The following RNF150 variants were observed in gnomAD, a reference collection of about 807,000 sequenced individuals.
The protein encoded by RNF150 is ring finger protein 150.
In RNF150, 24 loss-of-function variants were observed where a neutral mutation model predicts 39.3. The ratio of observed to expected loss-of-function variants is 0.61; its 90% CI spans 0.44 to 0.86. The LOEUF (loss-of-function observed/expected upper bound fraction) is 0.86. Among genes scored for constraint, RNF150 ranks in the 40% least tolerant of loss-of-function variants. The probability of loss-of-function intolerance (pLI) is 0.00; values close to 1 mark genes in which losing one functional copy is unlikely to be tolerated. For synonymous variants in RNF150, 255 were observed against 227.3 expected, an observed-to-expected ratio of 1.12 and a Z score of -1.10; for missense variants, 502 against 587.8, an observed-to-expected ratio of 0.85 and a Z score of 1.51.
intron 6 of RNF150, among the ~76,000 whole-genome samples, chr4:140,880,951 C>T (rs1343050875): frequency 6.6e-6 from 1 of 152,066 alleles, no homozygotes; most frequent in Non-Finnish European, 1.5e-5. Context: ...TTGATCCTTT[C>T]AAAACACAAA....
intron 5 of RNF150, among the ~76,000 whole-genome samples, chr4:140,913,792 G>A (rs1730709299): frequency 6.6e-6 from 1 of 152,156 alleles, no homozygotes; most frequent in Non-Finnish European, 1.5e-5. Flanking sequence ...ATGTTGACTT[G>A]GAAATTTGAT....
rs1553938684 is a variant in RNF150, at chr4:141,027,952, T to TTTTTTTTTTTTTTG, written c.485-60080_485-60079insCAAAAAAAAAAAAA. 7.4e-4 allele frequency among the ~76,000 whole-genome samples: 53 copies of TTTTTTTTTTTTTTG among 71,606 alleles called. 15 individuals carry two copies. The highest frequency in any genetic ancestry group is 9.9e-4 in the Non-Finnish European group (34 of 34,320). The allele number at this position is 71,606 out of a possible 152,430, so 47.0% of individuals were successfully genotyped here. A position where few individuals can be genotyped will look rare whatever the true frequency, so the allele number is the denominator to read the frequency against. On this transcript the variant is annotated intron_variant, in intron 1 of 6. Transcript: ENST00000515673. ...TTTTTTTTTTTTTTTTTTTTTTTTTTCAATCCTGCTGGATCAAGATGTATA... is the reference window on the plus strand; with the variant it reads ...TTTTTTTTTTTTTTTTTTTTTTTTTTTTTTTTTTTTTTTGCAATCCTGCTGGATCAAGATGTATA...
rs1201609981 is a variant in RNF150 at position 140,969,345 on chromosome 4, G to A, written c.485-1472C>T. On this transcript the variant is annotated intron_variant, in intron 1 of 6. Coordinates refer to ENST00000515673, the MANE Select transcript of RNF150 (RefSeq NM_020724.2). Reference sequence around the variant, plus strand: ...TTGTAAAATCATAAAGCCATAGTATGGGTTTGGCTGTTATTTCTGGGAATA... The same window carrying A: ...TTGTAAAATCATAAAGCCATAGTATAGGTTTGGCTGTTATTTCTGGGAATA... Among the ~76,000 whole-genome samples the A allele has an allele frequency of 2.9e-4, 44 of 152,096 alleles. 2 individuals carry two copies. The highest frequency in any genetic ancestry group is 2.8e-3 in the Admixed American group (43 of 15,252).
chr4:141,209,607 C>T (rs1339200656), intron 1 of RNF150, among the ~76,000 whole-genome samples: 6 of 151,944 alleles, frequency 3.9e-5, no homozygotes, highest in Non-Finnish European at 5.9e-5. Flanking sequence ...CTGTGAATTC[C>T]CCATTCATAT....
At chr4:140,883,440 A>G (rs889572354) in intron 6 of RNF150, among the ~76,000 whole-genome samples, 11 of 152,194 alleles carry the variant, frequency 7.2e-5, no homozygotes, top group African/African-American at 2.2e-4. Flanking sequence ...AACTCACTTT[A>G]GCATTTCTTG....
intron 1 of RNF150, among the ~76,000 whole-genome samples, chr4:141,072,707 C>T (rs777371614): frequency 6.6e-6 from 1 of 152,034 alleles, no homozygotes; most frequent in Non-Finnish European, 1.5e-5. Flanking sequence ...GAAAAGTGCA[C>T]ATTGAATTTA....
At chr4:140,906,744 T>C (rs543590109) in intron 6 of RNF150, among the ~76,000 whole-genome samples, 20 of 152,310 alleles carry the variant, frequency 1.3e-4, no homozygotes, top group Non-Finnish European at 2.5e-4. Flanking sequence ...CCAAGTGCTT[T>C]TCAGAATGTA....
chr4:141,119,070 C>G (rs539984225), intron 1 of RNF150, among the ~76,000 whole-genome samples: 2 of 152,128 alleles, frequency 1.3e-5, no homozygotes, highest in African/African-American at 4.8e-5. Flanking sequence ...CATATACACA[C>G]GAGATTAAAT....
At chr4:140,984,917 A>G (rs1337101836) in intron 1 of RNF150, among the ~76,000 whole-genome samples, 1 of 152,052 alleles carries the variant, frequency 6.6e-6, no homozygotes, top group Non-Finnish European at 1.5e-5. Context: ...CATATGATTT[A>G]TTGGCTCCTT....
intron 6 of RNF150, among the ~76,000 whole-genome samples, chr4:140,893,927 T>C (rs1022322375): frequency 6.6e-6 from 1 of 152,176 alleles, no homozygotes; most frequent in East Asian, 1.9e-4. Flanking sequence ...CTCCAATATA[T>C]GTACAAAAGG....
chr4:140,963,656 C>A (rs1029309402), intron 2 of RNF150, among the ~76,000 whole-genome samples: 3 of 151,594 alleles, frequency 2.0e-5, no homozygotes, highest in African/African-American at 4.8e-5. Context: ...TAATGGCAAA[C>A]AAATAATAAA....
At position 141,132,635 on chromosome 4, in the gene RNF150, C is replaced by T. The variant is rs1207197632; in HGVS notation, c.174G>A (p.Gly58=). 1 of 1,585,454 alleles carries T rather than the reference C, an allele frequency of 6.3e-7. No homozygotes were observed. The highest frequency in any genetic ancestry group is 8.5e-7 in the Non-Finnish European group (1 of 1,169,590). ...GCTCCGCGCCGCCGCCGCCCGCCGC[C>T]CCGGCCCCGGGGTCCGGCGCGGGCT... ...YAEPAPDPGA[G]AAGGGGAELH... Residue 58 remains glycine (G), a synonymous_variant, in exon 1 of 7, where the codon GGG becomes GGA. Coordinates refer to ENST00000515673, the MANE Select transcript of RNF150 (RefSeq NM_020724.2). This position sits in a 1 kb window ranked among gnomAD's most constrained non-coding sequence, Gnocchi z 4.9.
intron 1 of RNF150, among the ~76,000 whole-genome samples, chr4:140,999,966 GAAGAAGAAGAAAAGAAGAA>G (rs1360531639): frequency 3.1e-5 from 1 of 31,918 alleles, no homozygotes. Context: ...AGAAGAAGAA[GAAGAAGAAGAAAAGAAGAA>G]AAGAAGAAAA....
chr4:140,957,282 C>CA (rs1732798142), intron 2 of RNF150, among the ~76,000 whole-genome samples: 1 of 151,906 alleles, frequency 6.6e-6, no homozygotes, highest in South Asian at 2.1e-4. Flanking sequence ...TTTATGCAGC[C>CA]AAAAAACACA....
chr4:140,902,473 A>G (rs1304535326), intron 6 of RNF150, among the ~76,000 whole-genome samples: 4 of 152,342 alleles, frequency 2.6e-5, no homozygotes, highest in Middle Eastern at 3.4e-3. Context: ...CTGTAGTAAA[A>G]AGCACATTTT....
intron 4 of RNF150, among the ~76,000 whole-genome samples, chr4:140,928,357 G>T (rs1731478907): frequency 6.6e-6 from 1 of 151,608 alleles, no homozygotes; most frequent in African/African-American, 2.4e-5. Context: ...GGGTACATGG[G>T]TCATGGTTTA....
At chr4:140,880,661 G>GT (rs1461988569) in intron 6 of RNF150, among the ~76,000 whole-genome samples, 4 of 149,556 alleles carry the variant, frequency 2.7e-5, no homozygotes, top group Non-Finnish European at 5.9e-5. Context: ...TTGTTTGTTT[G>GT]TTTGTTTGTT....
chr4:141,022,912 T>C (rs887623987), intron 1 of RNF150, among the ~76,000 whole-genome samples: 1 of 152,216 alleles, frequency 6.6e-6, no homozygotes, highest in Non-Finnish European at 1.5e-5. Context: ...CCAACTACTT[T>C]CCATCTAAAT....
At chr4:140,963,292 T>G (rs985047148) in intron 2 of RNF150, among the ~76,000 whole-genome samples, 1 of 152,010 alleles carries the variant, frequency 6.6e-6, no homozygotes, top group African/African-American at 2.4e-5. Context: ...CCTCATTAAC[T>G]TACAGAAAAT....
Sources: gnomAD v4.1 joint callset for allele counts (sites outside exome capture counted in the v4.1 genomes callset) on GRCh38, gnomAD v4.1.1 for gene constraint, Gnocchi (gnomAD v3.1) non-coding constraint, MANE v1.5 for transcripts, NCBI Gene and HGNC (gene_info 2026-07-23, HGNC 2026-07-21) for gene names.